STK32A: variants seen among roughly 807,000 people sequenced by gnomAD.
STK32A encodes the protein serine/threonine kinase 32A.
A neutral mutation model predicts 53.2 loss-of-function variants in STK32A; 41 were observed. That is an observed-to-expected ratio of 0.77 (90% confidence interval 0.60 to 1.00). STK32A has a LOEUF of 1.00. STK32A is among the 50% of genes least tolerant of loss of function. The probability of loss-of-function intolerance (pLI) is 0.00; values close to 1 mark genes in which losing one functional copy is unlikely to be tolerated. For synonymous variants in STK32A, 166 were observed against 162.8 expected (o/e 1.02, Z -0.15); for missense variants, 458 against 485.8 (o/e 0.94, Z 0.54).
At chr5:147,400,330 T>C in the STK32A span, among the ~76,000 whole-genome samples, 1 of 152,188 alleles carries the variant, frequency 6.6e-6, no homozygotes, top group Non-Finnish European at 1.5e-5. Context: ...TGCTTATCAT[T>C]TCAAAGGATT....
intron 9 of STK32A, among the ~76,000 whole-genome samples, chr5:147,371,794 T>C (rs192588726): frequency 6.4e-4 from 98 of 152,308 alleles, no homozygotes; most frequent in Non-Finnish European, 1.1e-3. Context: ...ATACTGGCAA[T>C]GCATAATAAG....
chr5:147,364,014 G>A (rs778797688), intron 8 of STK32A, among the ~76,000 whole-genome samples: 1 of 151,830 alleles, frequency 6.6e-6, no homozygotes, highest in Non-Finnish European at 1.5e-5. Flanking sequence ...TCAGTAATTC[G>A]AGTCCAACCT....
chr5:147,244,279 T>C (rs563810067), intron 2 of STK32A, among the ~76,000 whole-genome samples: 1 of 152,372 alleles, frequency 6.6e-6, no homozygotes, highest in Admixed American at 6.5e-5. Context: ...GTTTATCTTT[T>C]CATTAGTTGA....
chr5:147,236,318 A>G (rs1191686604), intron 1 of STK32A, among the ~76,000 whole-genome samples: 1 of 152,110 alleles, frequency 6.6e-6, no homozygotes, highest in African/African-American at 2.4e-5. Flanking sequence ...TTTACATTTC[A>G]TATGCTTTGG....
chr5:147,329,617 G>A (rs996782780), intron 5 of STK32A, among the ~76,000 whole-genome samples: 3 of 152,142 alleles, frequency 2.0e-5, no homozygotes, highest in African/African-American at 7.3e-5. Context: ...CCTGAGCGAT[G>A]CATGTGTGCC....
At chr5:147,360,734 G>T (rs1160133357) in intron 7 of STK32A, among the ~76,000 whole-genome samples, 2 of 152,206 alleles carry the variant, frequency 1.3e-5, no homozygotes, top group Non-Finnish European at 2.9e-5. Context: ...GTAGGAATAT[G>T]GTGGTGAGCA....
chr5:147,285,556 G>T (rs1445755902), intron 4 of STK32A, among the ~76,000 whole-genome samples: 1 of 151,992 alleles, frequency 6.6e-6, no homozygotes, highest in African/African-American at 2.4e-5. Context: ...GACAAAGGAT[G>T]AATATCCAGA....
rs58355621 is a variant in STK32A, at chr5:147,317,143, C to CA, written c.261-6737dup. On this transcript the variant is annotated intron_variant, in intron 4 of 12. Transcript: ENST00000397936. ...ACCACTATCTGTGAAATAGTTTTGC[C>CA]AAAAAAAAAAAAAAAAAATCTAACC... Among the ~76,000 whole-genome samples, 120 of 130,868 alleles carry CA rather than the reference C, an allele frequency of 9.2e-4. No homozygotes were observed. In the South Asian group the frequency reaches 0.012, roughly 13 times the overall value. The allele number at this position is 130,868 out of a possible 152,430, so 85.9% of individuals were successfully genotyped here. A position where few individuals can be genotyped will look rare whatever the true frequency, so the allele number is the denominator to read the frequency against.
At chr5:147,289,284 G>A (rs543390337) in intron 4 of STK32A, among the ~76,000 whole-genome samples, 7 of 152,072 alleles carry the variant, frequency 4.6e-5, no homozygotes, top group Admixed American at 1.3e-4. Context: ...TTTACCACCC[G>A]AAAGCATTAA....
chr5:147,291,104 C>T (rs1445182579), intron 4 of STK32A, among the ~76,000 whole-genome samples: 2 of 152,152 alleles, frequency 1.3e-5, no homozygotes, highest in East Asian at 1.9e-4. Flanking sequence ...ACATCCCATA[C>T]TCATGTTTCT....
At chr5:147,320,750 C>A (rs577824955) in intron 4 of STK32A, among the ~76,000 whole-genome samples, 1 of 152,252 alleles carries the variant, frequency 6.6e-6, no homozygotes, top group African/African-American at 2.4e-5. Context: ...AGGTACTGGA[C>A]AGCATCATGA....
At chr5:147,260,551 C>T (rs1754513358) in intron 2 of STK32A, among the ~76,000 whole-genome samples, 2 of 145,812 alleles carry the variant, frequency 1.4e-5, no homozygotes, top group African/African-American at 2.8e-5. Flanking sequence ...CTTGCCTGTC[C>T]TCGAAGGCTC....
At chr5:147,272,889 T>C (rs1392424722) in intron 2 of STK32A, among the ~76,000 whole-genome samples, 2 of 152,216 alleles carry the variant, frequency 1.3e-5, no homozygotes, top group Non-Finnish European at 1.5e-5. Context: ...GGTGTCCTCG[T>C]TGCCTGTTCA....
intron 7 of STK32A, among the ~76,000 whole-genome samples, chr5:147,351,851 A>G (rs1048476114): frequency 2.0e-5 from 3 of 151,932 alleles, no homozygotes; most frequent in African/African-American, 7.3e-5. Context: ...GTCTCAAAAC[A>G]AACAAACAAA....
At chr5:147,305,398 G>A (rs1753355622) in intron 4 of STK32A, among the ~76,000 whole-genome samples, 1 of 152,078 alleles carries the variant, frequency 6.6e-6, no homozygotes, top group African/African-American at 2.4e-5. Context: ...TGCGCAAGTG[G>A]GCATTATTTA....
chr5:147,395,746 C>T, the STK32A span: 1 of 1,612,048 alleles, frequency 6.2e-7, no homozygotes, highest in Non-Finnish European at 8.5e-7. Context: ...GAGCATGTCA[C>T]CATTCATTCA....
At chr5:147,338,288 A>G (rs957202504) in intron 5 of STK32A, among the ~76,000 whole-genome samples, 1 of 152,076 alleles carries the variant, frequency 6.6e-6, no homozygotes, top group African/African-American at 2.4e-5. Context: ...TCCCCTGCAC[A>G]TGGTCTCTTG....
chr5:147,375,041 T>C (rs1757173209), intron 10 of STK32A, 49 bp from the exon 11 acceptor site: 2 of 1,537,644 alleles, frequency 1.3e-6, no homozygotes, highest in Non-Finnish European at 1.7e-6. Context: ...GCTGTGTTTT[T>C]CAGAATGATA....
chr5:147,261,303 T>C (rs953270985), intron 2 of STK32A, among the ~76,000 whole-genome samples: 1 of 152,196 alleles, frequency 6.6e-6, no homozygotes, highest in African/African-American at 2.4e-5. Context: ...GGTGCGCCCT[T>C]ACAGATGGAA....
Sources: gnomAD v4.1 joint callset for allele counts (sites outside exome capture counted in the v4.1 genomes callset) on GRCh38, gnomAD v4.1.1 for gene constraint, MANE v1.5 for transcripts, NCBI Gene and HGNC (gene_info 2026-07-23, HGNC 2026-07-21) for gene names.